The following KIF26B variants were observed in gnomAD, a reference collection of about 807,000 sequenced individuals.
KIF26B encodes the protein kinesin family member 26B.
Under a neutral mutation model 151.2 loss-of-function variants are expected in KIF26B, and 63 were observed. The ratio of observed to expected loss-of-function variants is 0.42; its 90% CI spans 0.34 to 0.51. The LOEUF (loss-of-function observed/expected upper bound fraction) is 0.51. Ranked by LOEUF, KIF26B falls within the 20% of genes least tolerant of loss-of-function variation. The pLI is 0.07. For missense variants in KIF26B, 2,813 were observed against 2,913.6 expected (o/e 0.97, Z 0.79); for synonymous variants, 1,357 against 1,262.1 (o/e 1.08, Z -1.59).
intron 9 of KIF26B, among the ~76,000 whole-genome samples, chr1:245,638,529 A>T (rs2043857089): frequency 6.6e-6 from 1 of 151,710 alleles, no homozygotes; most frequent in South Asian, 2.1e-4. Flanking sequence ...GAATAATTAC[A>T]GTTTATAGTT....
chr1:245,670,089 C>T (rs1023165651), intron 10 of KIF26B, among the ~76,000 whole-genome samples: 1 of 151,900 alleles, frequency 6.6e-6, no homozygotes, highest in Non-Finnish European at 1.5e-5. Context: ...TACAGTTCAT[C>T]CACGTAACCA....
At chr1:245,155,745 T>C (rs1455714056) in intron 1 of KIF26B, among the ~76,000 whole-genome samples, 2 of 152,204 alleles carry the variant, frequency 1.3e-5, no homozygotes, top group Admixed American at 6.5e-5. Flanking sequence ...TTCCTGCACT[T>C]CTAGGCAGAG....
chr1:245,433,652 G>T (rs888800187), intron 4 of KIF26B, among the ~76,000 whole-genome samples: 3 of 152,114 alleles, frequency 2.0e-5, no homozygotes, highest in Admixed American at 1.3e-4. Context: ...ACTCAGCAGT[G>T]CACCATTTCT....
At chr1:245,372,728 G>A (rs1673156955) in intron 3 of KIF26B, among the ~76,000 whole-genome samples, 1 of 152,192 alleles carries the variant, frequency 6.6e-6, no homozygotes, top group Non-Finnish European at 1.5e-5. Context: ...CTGCAGGAAA[G>A]ACTGTACACA....
rs1668684793 is a variant in KIF26B at position 245,170,087 on chromosome 1, C to T, written c.465+13404C>T. Among the ~76,000 whole-genome samples the T allele has an allele frequency of 6.6e-6, 1 of 151,932 alleles. No homozygotes were observed. Among genetic ancestry groups the T allele is most frequent in the South Asian group, 2.1e-4 (1 of 4,806 alleles). On this transcript the variant is annotated intron_variant, in intron 2 of 14. Transcript: ENST00000407071. This position sits in a 1 kb window ranked among gnomAD's most constrained non-coding sequence, Gnocchi z 4.4. Reference sequence around the variant, plus strand: ...CCACTGCTGCATAACCAAAACGTCACTGGTGTGAAGGAAGAGGATGATAGA... The same window carrying T: ...CCACTGCTGCATAACCAAAACGTCATTGGTGTGAAGGAAGAGGATGATAGA...
chr1:245,282,195 A>G (rs1364707596), intron 2 of KIF26B, among the ~76,000 whole-genome samples: 1 of 152,114 alleles, frequency 6.6e-6, no homozygotes, highest in Non-Finnish European at 1.5e-5. Context: ...ATTCAATGCC[A>G]TCCCCATGAA....
At chr1:245,471,582 A>C (rs544225246) in intron 4 of KIF26B, among the ~76,000 whole-genome samples, 10 of 152,314 alleles carry the variant, frequency 6.6e-5, no homozygotes, top group African/African-American at 2.4e-4. Context: ...CTGCACAATA[A>C]TATGTTCTAT....
At chr1:245,434,973 GTCCATCCATCCATCCA>G (rs371849206) in intron 4 of KIF26B, among the ~76,000 whole-genome samples, 5 of 135,640 alleles carry the variant, frequency 3.7e-5, no homozygotes, top group African/African-American at 1.1e-4. Context: ...ATGCTCTTTT[GTCCATCCATCCATCCA>G]TCCATCCATC....
Position 245,699,494 on chromosome 1 carries a change from G to GA in KIF26B, c.6178+472dup, listed in dbSNP as rs774959523. ...AAAGCAAGGAAAACATTTTTGAGTGGAAAAAAAAAAAAAAAGACAGCCACA... is the reference window on the plus strand; with the variant it reads ...AAAGCAAGGAAAACATTTTTGAGTGGAAAAAAAAAAAAAAAAGACAGCCACA... On this transcript the variant is annotated intron_variant, in intron 14 of 14. Transcript: ENST00000407071. 2.8e-3 allele frequency among the ~76,000 whole-genome samples: 360 copies of GA among 128,590 alleles called. 1 individual carries two copies. The highest frequency in any genetic ancestry group is 4.5e-3 in the Admixed American group (57 of 12,770). 84.4% of individuals were successfully genotyped at this position (128,590 alleles called of 152,430 possible). A position where few individuals can be genotyped will look rare whatever the true frequency, so the allele number is the denominator to read the frequency against.
At chr1:245,369,195 G>GAGAGAGAGAGAGACAGAC (rs375330671) in intron 3 of KIF26B, among the ~76,000 whole-genome samples, 2 of 129,506 alleles carry the variant, frequency 1.5e-5, no homozygotes, top group Admixed American at 1.5e-4. Context: ...GAGAGAGAGA[G>GAGAGAGAGAGAGACAGAC]AGACAGACAG....
intron 9 of KIF26B, among the ~76,000 whole-genome samples, chr1:245,644,017 C>T (rs2043919589): frequency 6.6e-6 from 1 of 152,112 alleles, no homozygotes. Flanking sequence ...TTCTTGGATA[C>T]ATGGGTTTAT....
rs75440952 is a variant in KIF26B, at chr1:245,215,238, C to T, written c.465+58555C>T. 5.2e-4 allele frequency among the ~76,000 whole-genome samples: 79 copies of T among 152,162 alleles called. No homozygotes were observed. In the East Asian group the frequency reaches 0.014, roughly 28 times the overall value. The stretch of plus-strand genomic sequence containing the variant: ...CAGCCACCATGGGAGGAAGGGTGGC[C>T]GAGTACTCTCAGGGCCCGGCTCCTT... On this transcript the variant is annotated intron_variant, in intron 2 of 14. Coordinates refer to ENST00000407071, the MANE Select transcript of KIF26B (RefSeq NM_018012.4).
chr1:245,315,010 G>T (rs911514540), intron 2 of KIF26B, among the ~76,000 whole-genome samples: 1 of 151,936 alleles, frequency 6.6e-6, no homozygotes, highest in South Asian at 2.1e-4. Context: ...GAGAAACCCC[G>T]TCTCTACTAA....
At chr1:245,307,467 A>G (rs894546321) in intron 2 of KIF26B, among the ~76,000 whole-genome samples, 16 of 152,114 alleles carry the variant, frequency 1.1e-4, no homozygotes, top group African/African-American at 3.9e-4. Flanking sequence ...CATAAAGCTC[A>G]TTTTCTCTAG....
chr1:245,374,136 T>TATATAC (rs1297569545), intron 3 of KIF26B, among the ~76,000 whole-genome samples: 6 of 84,090 alleles, frequency 7.1e-5, no homozygotes, highest in African/African-American at 2.1e-4. Flanking sequence ...TATATATATA[T>TATATAC]ATGGGCACAA....
At position 245,504,553 on chromosome 1, in the gene KIF26B, A is replaced by G. The variant is rs559241824; in HGVS notation, c.1167-36214A>G. On this transcript the variant is annotated intron_variant, in intron 4 of 14. Transcript: ENST00000407071. ...AGTCTTGACCTCCTGGGCTCAAGCAATCTTCCTGCTTCAGTAGCTGGGACT... is the reference window on the plus strand; with the variant it reads ...AGTCTTGACCTCCTGGGCTCAAGCAGTCTTCCTGCTTCAGTAGCTGGGACT... 1.2e-3 allele frequency among the ~76,000 whole-genome samples: 180 copies of G among 151,660 alleles called. 3 individuals carry two copies. The highest frequency in any genetic ancestry group is 8.0e-4 in the Non-Finnish European group (54 of 67,898).
intron 5 of KIF26B, among the ~76,000 whole-genome samples, chr1:245,579,208 G>A (rs974076367): frequency 2.0e-5 from 3 of 152,166 alleles, no homozygotes; most frequent in Non-Finnish European, 4.4e-5. Flanking sequence ...TGCTATTGGT[G>A]TGTGGATCAC....
intron 2 of KIF26B, among the ~76,000 whole-genome samples, chr1:245,296,350 C>T (rs1192334311): frequency 6.6e-6 from 1 of 151,978 alleles, no homozygotes; most frequent in East Asian, 1.9e-4. Context: ...GCTGACACCC[C>T]TTAATAAGAC....
At chr1:245,529,775 TGAG>T (rs971512107) in intron 4 of KIF26B, among the ~76,000 whole-genome samples, 3 of 152,142 alleles carry the variant, frequency 2.0e-5, no homozygotes, top group Non-Finnish European at 4.4e-5. Flanking sequence ...ACAGATTTCT[TGAG>T]GAACACCCCA....
Sources: allele counts gnomAD v4.1 joint callset (sites outside exome capture counted in the v4.1 genomes callset), GRCh38; gene constraint gnomAD v4.1.1; non-coding constraint Gnocchi (gnomAD v3.1); transcripts MANE v1.5; gene names NCBI Gene and HGNC (gene_info 2026-07-23, HGNC 2026-07-21).